The following SASH1 variants were observed in gnomAD, a reference collection of about 807,000 sequenced individuals.
SASH1 encodes SAM and SH3 domain-containing protein 1.
SASH1 carries 44 observed loss-of-function variants against 125.2 expected under a neutral mutation model. The ratio of observed to expected loss-of-function variants is 0.35; its 90% CI spans 0.28 to 0.45. SASH1 has a LOEUF of 0.45. Among genes scored for constraint, SASH1 ranks in the 20% least tolerant of loss-of-function variants. The pLI is 1.00. For missense variants in SASH1, 1,426 were observed against 1,614.5 expected (o/e 0.88, Z 2.00); for synonymous variants, 639 against 649.1 (o/e 0.98, Z 0.24).
chr6:148,527,076 G>T (rs915056941), intron 11 of SASH1, among the ~76,000 whole-genome samples: 3 of 152,022 alleles, frequency 2.0e-5, no homozygotes, highest in Non-Finnish European at 2.9e-5. Flanking sequence ...GTTTCACCGT[G>T]TTAGTCAGGA....
chr6:148,489,369 G>T (rs193010555), intron 8 of SASH1, among the ~76,000 whole-genome samples: 39 of 152,264 alleles, frequency 2.6e-4, no homozygotes, highest in African/African-American at 7.7e-4. Context: ...GATTACCATA[G>T]CTTTATAGTA....
chr6:148,258,535 CA>C, the SASH1 span, among the ~76,000 whole-genome samples: 1 of 152,168 alleles, frequency 6.6e-6, no homozygotes, highest in Non-Finnish European at 1.5e-5. Context: ...AACCAGGATT[CA>C]AAGCTGCCTC....
At chr6:148,319,700 C>T (rs1780589930) in intron 1 of SASH1, among the ~76,000 whole-genome samples, 1 of 151,942 alleles carries the variant, frequency 6.6e-6, no homozygotes, top group Non-Finnish European at 1.5e-5. Context: ...TTTTGGTAGA[C>T]ACAGGGTTTC....
chr6:148,325,261 T>TGTTGTTGTTGTTG (rs1554235038), intron 1 of SASH1, among the ~76,000 whole-genome samples: 17 of 149,878 alleles, frequency 1.1e-4, no homozygotes, highest in African/African-American at 4.2e-4. Context: ...AAAAGCCTCT[T>TGTTGTTGTTGTTG]TTGTTGTTGT....
chr6:148,196,831 G>A, the SASH1 span, among the ~76,000 whole-genome samples: 3 of 152,276 alleles, frequency 2.0e-5, no homozygotes, highest in Admixed American at 6.5e-5. Context: ...GTGAGGCCCA[G>A]AAGAGTCAAA....
chr6:148,262,741 G>A, the SASH1 span, among the ~76,000 whole-genome samples: 55 of 152,276 alleles, frequency 3.6e-4, no homozygotes, highest in African/African-American at 1.3e-3. Flanking sequence ...AAATCAGCCA[G>A]GCATGGTGGC....
chr6:148,499,358 G>T (rs1371756968), intron 8 of SASH1, among the ~76,000 whole-genome samples: 1 of 152,060 alleles, frequency 6.6e-6, no homozygotes, highest in Non-Finnish European at 1.5e-5. Flanking sequence ...CACATAATTA[G>T]TTTATAAAAG....
intron 16 of SASH1, among the ~76,000 whole-genome samples, chr6:148,535,158 G>A (rs1781765866): frequency 6.6e-6 from 1 of 152,200 alleles, no homozygotes; most frequent in Admixed American, 6.5e-5. Flanking sequence ...CCATGCCAAG[G>A]TCAAACAGCA....
the SASH1 span, among the ~76,000 whole-genome samples, chr6:148,264,815 C>T: frequency 5.9e-5 from 9 of 152,212 alleles, no homozygotes; most frequent in African/African-American, 9.7e-5. Context: ...ACCTCCATCT[C>T]GACCCCCTGT....
At chr6:148,393,715 G>C (rs1783828585) in intron 2 of SASH1, 3 of 985,202 alleles carry the variant, frequency 3.0e-6, no homozygotes, top group Non-Finnish European at 3.6e-6. Context: ...GACAGTCTGG[G>C]GGGAGAAAAC....
chr6:148,384,546 A>C (rs940030333), intron 1 of SASH1, among the ~76,000 whole-genome samples: 2 of 152,204 alleles, frequency 1.3e-5, no homozygotes, highest in African/African-American at 2.4e-5. Context: ...GTGTTTCCGT[A>C]AAGATGGCAG....
chr6:148,352,048 C>G (rs1464389183), intron 1 of SASH1, among the ~76,000 whole-genome samples: 2 of 152,074 alleles, frequency 1.3e-5, no homozygotes, highest in Admixed American at 6.6e-5. Flanking sequence ...CAACCTTAAT[C>G]TGTGAGTTAA....
At chr6:148,227,798 A>G in the SASH1 span, among the ~76,000 whole-genome samples, 12 of 152,206 alleles carry the variant, frequency 7.9e-5, no homozygotes, top group Non-Finnish European at 1.5e-5. Flanking sequence ...GTTCCATTCC[A>G]TCACCTGAAA....
At chr6:148,531,952 A>T (rs1443986780) in intron 13 of SASH1, among the ~76,000 whole-genome samples, 1 of 152,220 alleles carries the variant, frequency 6.6e-6, no homozygotes, top group Non-Finnish European at 1.5e-5. Flanking sequence ...GGAGACAAGC[A>T]CATGAAGATG....
chr6:148,283,053 A>G (rs903523793), intron 1 of SASH1, among the ~76,000 whole-genome samples: 1 of 152,150 alleles, frequency 6.6e-6, no homozygotes, highest in Non-Finnish European at 1.5e-5. Flanking sequence ...TCCCAATTTC[A>G]TCTGGGGACT....
chr6:148,508,555 TAGG>T (rs1231934814), intron 8 of SASH1: 15 of 1,052,784 alleles, frequency 1.4e-5, no homozygotes, highest in Non-Finnish European at 1.6e-5. Flanking sequence ...TTGTGGTGAA[TAGG>T]AGATTTGCTT....
At chr6:148,375,777 T>A (rs929152244) in intron 1 of SASH1, among the ~76,000 whole-genome samples, 1 of 152,206 alleles carries the variant, frequency 6.6e-6, no homozygotes, top group African/African-American at 2.4e-5. Context: ...ACTGACATTC[T>A]CTAAATCGGA....
intron 4 of SASH1, among the ~76,000 whole-genome samples, chr6:148,448,115 A>AGAGTGTGTGTGTGTGTGTGTGTGTGTGT (rs374141600): frequency 6.8e-6 from 1 of 146,816 alleles, no homozygotes; most frequent in African/African-American, 2.6e-5. Flanking sequence ...CAGTGGAGAG[A>AGAGTGTGTGTGTGTGTGTGTGTGTGTGT]GTGTGTGTGT....
the SASH1 span, among the ~76,000 whole-genome samples, chr6:148,236,409 A>G: frequency 2.6e-5 from 4 of 152,044 alleles, no homozygotes; most frequent in Non-Finnish European, 5.9e-5. Flanking sequence ...ACAGGGTTTC[A>G]CCATGTTGGC....
Sources: allele counts gnomAD v4.1 joint callset (sites outside exome capture counted in the v4.1 genomes callset), GRCh38; gene constraint gnomAD v4.1.1; transcripts MANE v1.5; gene names NCBI Gene and HGNC (gene_info 2026-07-23, HGNC 2026-07-21).